The following GPHN variants were observed in gnomAD, a reference collection of about 807,000 sequenced individuals.
GPHN encodes the protein gephyrin.
A neutral mutation model predicts 95.5 loss-of-function variants in GPHN; 17 were observed. The observed-to-expected ratio is 0.18, with a 90% CI of 0.12 to 0.27. The LOEUF is 0.27. Ranked by LOEUF, GPHN falls within the 10% of genes least tolerant of loss-of-function variation. The pLI, the probability that GPHN is intolerant of heterozygous loss-of-function variation, is 1.00. For missense variants in GPHN, 660 were observed against 978.1 expected (o/e 0.67, Z 4.34); for synonymous variants, 320 against 322.5 (o/e 0.99, Z 0.08).
In GPHN at chr14:66,561,957, C is replaced by T. The variant is rs1293847583; in HGVS notation, c.64+53366C>T. Among the ~76,000 whole-genome samples the T allele has an allele frequency of 2.0e-5, 3 of 152,054 alleles. No homozygotes were observed. In the South Asian group the frequency reaches 6.2e-4, roughly 31 times the overall value. On this transcript the variant is annotated intron_variant, in intron 1 of 22. Transcript: ENST00000478722. ...CTCATGGCCTCTTTTCTTCCTTCTT[C>T]AAAGCCAACAATGATGGGTTGAGTC...
chr14:67,290,411 G>T, the GPHN span, among the ~76,000 whole-genome samples: 75 of 152,236 alleles, frequency 4.9e-4, no homozygotes, highest in African/African-American at 1.6e-3. Flanking sequence ...AGTGGAAAAG[G>T]AATTATTATT....
chr14:67,277,579 T>G, the GPHN span, among the ~76,000 whole-genome samples: 1 of 152,032 alleles, frequency 6.6e-6, no homozygotes, highest in Non-Finnish European at 1.5e-5. Flanking sequence ...TTTATTACTG[T>G]AAATATTATT....
At chr14:67,583,759 G>A in the GPHN span, 4 of 1,611,486 alleles carry the variant, frequency 2.5e-6, no homozygotes, top group Non-Finnish European at 3.4e-6. Context: ...TGGGGACTTG[G>A]AGAAGCCTGC....
At chr14:67,497,189 C>T in the GPHN span, among the ~76,000 whole-genome samples, 29 of 152,164 alleles carry the variant, frequency 1.9e-4, no homozygotes, top group South Asian at 3.7e-3. Context: ...GTATATGCTG[C>T]GGGCACACAC....
chr14:66,660,902 G>A (rs955766606), intron 1 of GPHN, among the ~76,000 whole-genome samples: 5 of 152,104 alleles, frequency 3.3e-5, no homozygotes, highest in Non-Finnish European at 7.4e-5. Context: ...GGGAAACCAT[G>A]CCCCTCCCAC....
chr14:67,516,205 C>T, the GPHN span, among the ~76,000 whole-genome samples: 1 of 152,176 alleles, frequency 6.6e-6, no homozygotes, highest in Non-Finnish European at 1.5e-5. Flanking sequence ...ATTCGCACGC[C>T]AAGCCTAGGT....
chr14:67,443,035 C>T, the GPHN span, among the ~76,000 whole-genome samples: 1 of 151,942 alleles, frequency 6.6e-6, no homozygotes, highest in East Asian at 1.9e-4. Context: ...GTCTGGGCAA[C>T]AATGGTAAAA....
chr14:66,971,116 G>T (rs554539362), intron 9 of GPHN, among the ~76,000 whole-genome samples: 1 of 152,188 alleles, frequency 6.6e-6, no homozygotes, highest in Non-Finnish European at 1.5e-5. Context: ...ATCATCTGAG[G>T]TAGGGAGTTC....
chr14:67,205,964 G>T, the GPHN span, among the ~76,000 whole-genome samples: 4 of 151,966 alleles, frequency 2.6e-5, no homozygotes, highest in Non-Finnish European at 4.4e-5. Flanking sequence ...CAGGTGGATT[G>T]CTTGAGCTTG....
chr14:67,208,563 A>G, the GPHN span: 1 of 1,113,800 alleles, frequency 9.0e-7, no homozygotes, highest in East Asian at 2.5e-5. Flanking sequence ...TCAGAGACAG[A>G]TGTAGTGTAA....
chr14:66,532,393 C>A (rs971197646), intron 1 of GPHN, among the ~76,000 whole-genome samples: 1 of 152,120 alleles, frequency 6.6e-6, no homozygotes, highest in Non-Finnish European at 1.5e-5. Flanking sequence ...ATTCTAAGAG[C>A]AAGCATTGTG....
chr14:67,437,168 G>C, the GPHN span, among the ~76,000 whole-genome samples: 1 of 152,196 alleles, frequency 6.6e-6, no homozygotes, highest in African/African-American at 2.4e-5. Flanking sequence ...TACTTCTTGA[G>C]TGCCTACCTA....
the GPHN span, chr14:67,727,313 A>C: frequency 2.5e-6 from 2 of 787,086 alleles, no homozygotes; most frequent in Non-Finnish European, 4.3e-6. Context: ...GACTAAGGAG[A>C]ATGAAATTAT....
At chr14:66,816,288 C>T (rs2060962570) in intron 3 of GPHN, among the ~76,000 whole-genome samples, 1 of 152,102 alleles carries the variant, frequency 6.6e-6, no homozygotes, top group African/African-American at 2.4e-5. Flanking sequence ...GAACTCAGCC[C>T]TGAGTCAAAT....
At chr14:67,348,007 G>A in the GPHN span, among the ~76,000 whole-genome samples, 1 of 151,850 alleles carries the variant, frequency 6.6e-6, no homozygotes, top group Non-Finnish European at 1.5e-5. Context: ...CCGCCTCCTG[G>A]GGTCAAGTGA....
the GPHN span, chr14:67,382,294 A>G: frequency 1.1e-5 from 6 of 554,260 alleles, no homozygotes; most frequent in Non-Finnish European, 1.2e-5. Flanking sequence ...GTAATTGCCA[A>G]TTCTGTAGGA....
At chr14:67,398,857 G>A in the GPHN span, among the ~76,000 whole-genome samples, 8 of 152,246 alleles carry the variant, frequency 5.3e-5, no homozygotes, top group South Asian at 2.1e-4. Flanking sequence ...CACCATGCCC[G>A]GTCCCTGTTT....
chr14:66,756,418 G>A (rs2058556766), intron 2 of GPHN, among the ~76,000 whole-genome samples: 1 of 152,030 alleles, frequency 6.6e-6, no homozygotes, highest in African/African-American at 2.4e-5. Flanking sequence ...GTAGGCAGGG[G>A]CACAACTGTG....
intron 9 of GPHN, chr14:66,985,756 A>C (rs1486978385): frequency 3.4e-6 from 5 of 1,478,884 alleles, no homozygotes; most frequent in Non-Finnish European, 4.6e-6. Context: ...TGTTTCTAAC[A>C]TTTTTTGGCA....
Sources: gnomAD v4.1 joint callset for allele counts (sites outside exome capture counted in the v4.1 genomes callset) on GRCh38, gnomAD v4.1.1 for gene constraint, MANE v1.5 for transcripts, NCBI Gene and HGNC (gene_info 2026-07-23, HGNC 2026-07-21) for gene names.